BSPH1: variants seen among roughly 807,000 people sequenced by gnomAD.
BSPH1 encodes the protein binder of sperm protein homolog 1.
In BSPH1, 21 loss-of-function variants were observed where a neutral mutation model predicts 22.5. The observed-to-expected ratio is 0.93, with a 90% CI of 0.66 to 1.35. The LOEUF (loss-of-function observed/expected upper bound fraction) is 1.35, where lower values mean the gene tolerates loss of function less well. Among genes scored for constraint, BSPH1 ranks in the 40% most tolerant of loss-of-function variants. BSPH1 has a pLI of 0.00. For missense variants in BSPH1, 141 were observed against 154.2 expected (o/e 0.91, Z 0.45); for synonymous variants, 42 against 53.6 (o/e 0.78, Z 0.95).
intron 1 of BSPH1, among the ~76,000 whole-genome samples, chr19:47,986,288 T>G (rs1969470141): frequency 6.6e-6 from 1 of 152,118 alleles, no homozygotes; most frequent in South Asian, 2.1e-4. Flanking sequence ...CTTACGAATC[T>G]AGAGAATGTC....
At chr19:47,976,365 C>A (rs941280646) in intron 5 of BSPH1, among the ~76,000 whole-genome samples, 1 of 151,994 alleles carries the variant, frequency 6.6e-6, no homozygotes, top group African/African-American at 2.4e-5. Context: ...CTCCTGGCCT[C>A]AAGCAGTCCT....
intron 5 of BSPH1, among the ~76,000 whole-genome samples, chr19:47,973,222 A>T (rs1969328229): frequency 1.1e-5 from 1 of 87,318 alleles, no homozygotes; most frequent in South Asian, 3.0e-4. Context: ...GTCTCAAAAT[A>T]ATAATAATAA....
At chr19:47,977,323 C>T (rs1487579975) in intron 4 of BSPH1, 50 bp downstream of exon 4, 1 of 1,449,006 alleles carries the variant, frequency 6.9e-7, no homozygotes, top group Non-Finnish European at 9.4e-7. Flanking sequence ...AGATCCCAGC[C>T]TCAGAGACCA....
intron 1 of BSPH1, among the ~76,000 whole-genome samples, chr19:47,990,395 G>C (rs1457562598): frequency 6.6e-6 from 1 of 152,078 alleles, no homozygotes; most frequent in East Asian, 1.9e-4. Flanking sequence ...ATTGACAGCG[G>C]AGAAGCTTTA....
intron 1 of BSPH1, chr19:47,981,831 C>T: frequency 1.5e-6 from 1 of 665,928 alleles, no homozygotes; most frequent in Non-Finnish European, 1.9e-6. Flanking sequence ...GCCATTCAAC[C>T]TGTAATATTT....
At chr19:47,986,456 T>G (rs1006113660) in intron 1 of BSPH1, among the ~76,000 whole-genome samples, 2 of 152,130 alleles carry the variant, frequency 1.3e-5, no homozygotes, top group African/African-American at 4.8e-5. Flanking sequence ...AGAATTTTAC[T>G]GGTCAGGCAT....
chr19:47,990,118 C>CAAAAAA (rs11329791), intron 1 of BSPH1, among the ~76,000 whole-genome samples: 4 of 99,680 alleles, frequency 4.0e-5, no homozygotes, highest in East Asian at 7.3e-4. Flanking sequence ...GACTCCATCT[C>CAAAAAA]AAAAAAAAAA....
intron 1 of BSPH1, among the ~76,000 whole-genome samples, chr19:47,985,847 A>AG (rs1969465580): frequency 6.6e-6 from 1 of 151,320 alleles, no homozygotes; most frequent in Admixed American, 6.6e-5. Flanking sequence ...AAAAAAAAAA[A>AG]GGAAAAGAAT....
At position 47,978,027 on chromosome 19, in the gene BSPH1, TATAG is replaced by T. The variant is rs1193633110; in HGVS notation, c.125-527_125-524del. On this transcript the variant is annotated intron_variant, in intron 3 of 5. Coordinates refer to ENST00000344839, the MANE Select transcript of BSPH1 (RefSeq NM_001128326.2). ...ATATATATATATATATATATATATA[TATAG>T]TTATAGGTGCATACACACATACAGG... 2.0e-3 allele frequency among the ~76,000 whole-genome samples: 289 copies of T among 144,964 alleles called. 3 individuals are homozygous for T. Among genetic ancestry groups the T allele is most frequent in the African/African-American group, 6.5e-3 (258 of 39,668 alleles).
chr19:47,991,603 TCC>T (rs1966874020), intron 1 of BSPH1, among the ~76,000 whole-genome samples: 1 of 59,172 alleles, frequency 1.7e-5, no homozygotes. Context: ...CCCCTCCTCC[TCC>T]TCCCCCTCTT....
Position 47,992,120 on chromosome 19 carries a change from G to A in BSPH1, c.-39C>T. Reference sequence around the variant, plus strand: ...CTTCCCGGTATCTCAGATCTTCCTGGTCTTTGTCAGCCAGGGCTCAAGAAT... The same window carrying A: ...CTTCCCGGTATCTCAGATCTTCCTGATCTTTGTCAGCCAGGGCTCAAGAAT... On this transcript the variant is annotated 5_prime_UTR_variant, in exon 1 of 6. Transcript: ENST00000344839. 6.6e-7 allele frequency: 1 copy of A among 1,513,286 alleles called. No homozygotes were observed. Among genetic ancestry groups the A allele is most frequent in the South Asian group, 1.2e-5 (1 of 83,084 alleles). The allele number at this position is 1,513,286 out of a possible 1,614,324, so 93.7% of individuals were successfully genotyped here.
At chr19:47,978,459 T>C (rs1969389164) in intron 3 of BSPH1, among the ~76,000 whole-genome samples, 1 of 152,192 alleles carries the variant, frequency 6.6e-6, no homozygotes, top group South Asian at 2.1e-4. Context: ...ACACAATTTA[T>C]TCAGTATTTC....
At chr19:47,990,466 T>C (rs1166583565) in intron 1 of BSPH1, among the ~76,000 whole-genome samples, 2 of 152,066 alleles carry the variant, frequency 1.3e-5, no homozygotes, top group African/African-American at 4.8e-5. Flanking sequence ...TCTACAAACA[T>C]GATGTCTGAT....
rs942606517 is a variant in BSPH1 at position 47,976,606 on chromosome 19, A to C, written c.*2+104T>G. 8.0e-5 allele frequency: 60 copies of C among 752,204 alleles called. 2 individuals carry two copies. The highest frequency in any genetic ancestry group is 7.1e-4 in the East Asian group (25 of 35,074). The allele number at this position is 752,204 out of a possible 1,614,324, so 46.6% of individuals were successfully genotyped here. ...AGAAAAAAAAAAAAAACAAAAAAAA[A>C]CCCTCTCTAATGAGAAAGGGTTCTC... On this transcript the variant is annotated intron_variant, in intron 5 of 5. Coordinates refer to ENST00000344839, the MANE Select transcript of BSPH1 (RefSeq NM_001128326.2).
intron 1 of BSPH1, among the ~76,000 whole-genome samples, chr19:47,983,270 G>T (rs963886924): frequency 3.3e-5 from 5 of 152,300 alleles, no homozygotes; most frequent in African/African-American, 1.2e-4. Flanking sequence ...ATTCAGGTGG[G>T]AATCCAAGAT....
intron 1 of BSPH1, among the ~76,000 whole-genome samples, chr19:47,984,329 A>T (rs2122258790): frequency 6.6e-6 from 1 of 151,614 alleles, no homozygotes; most frequent in East Asian, 1.9e-4. Context: ...GGCTTTCTTT[A>T]TGACCCTTTG....
chr19:47,990,118 CAAAA>C (rs11329791), intron 1 of BSPH1, among the ~76,000 whole-genome samples: 24,939 of 100,700 alleles, frequency 0.25, 2,532 homozygotes, highest in Admixed American at 0.3. Context: ...GACTCCATCT[CAAAA>C]AAAAAAAAAA....
At chr19:47,973,003 G>A (rs1488678198) in intron 5 of BSPH1, among the ~76,000 whole-genome samples, 1 of 151,736 alleles carries the variant, frequency 6.6e-6, no homozygotes, top group East Asian at 1.9e-4. Flanking sequence ...GGATCACGAG[G>A]TCAGGAGATC....
At chr19:47,981,780 T>C in intron 1 of BSPH1, 1 of 970,044 alleles carries the variant, frequency 1.0e-6, no homozygotes, top group Non-Finnish European at 1.2e-6. Context: ...TACTTTTTTT[T>C]TTTCTTAAAG....
Sources: gnomAD v4.1 joint callset for allele counts (sites outside exome capture counted in the v4.1 genomes callset) on GRCh38, gnomAD v4.1.1 for gene constraint, MANE v1.5 for transcripts, NCBI Gene and HGNC (gene_info 2026-07-23, HGNC 2026-07-21) for gene names.